SULF1: variants seen among roughly 807,000 people sequenced by gnomAD.
The protein encoded by SULF1 is sulfatase 1, also known as extracellular sulfatase Sulf-1.
Under a neutral mutation model 110.5 loss-of-function variants are expected in SULF1, and 46 were observed. The observed-to-expected ratio is 0.42, with a 90% confidence interval of 0.33 to 0.53. The LOEUF is 0.53. Among genes scored for constraint, SULF1 ranks in the 20% least tolerant of loss-of-function variants. SULF1 has a pLI of 0.12. For missense variants in SULF1, 941 were observed against 1,094.2 expected (o/e 0.86, Z 1.98); for synonymous variants, 371 against 387.1 (o/e 0.96, Z 0.49).
exon 1 of SULF1, chr8:69,466,787 G>A (rs1315862502): frequency 6.6e-6 from 1 of 152,380 alleles, no homozygotes; most frequent in Non-Finnish European, 1.5e-5. Context: ...TGGGGTTAGT[G>A]TGTGTCATCA....
chr8:69,573,808 C>A (rs1805411547), intron 5 of SULF1, among the ~76,000 whole-genome samples: 1 of 152,204 alleles, frequency 6.6e-6, no homozygotes, highest in African/African-American at 2.4e-5. Context: ...GTTTTAAAAT[C>A]TCCCATAAGG....
chr8:69,590,590 C>A (rs192747696), intron 8 of SULF1, among the ~76,000 whole-genome samples: 26 of 152,338 alleles, frequency 1.7e-4, no homozygotes, highest in African/African-American at 4.3e-4. Context: ...AGAGCTGACT[C>A]AGGACAAGAA....
At chr8:69,467,517 C>T (rs1238920457) in intron 1 of SULF1, among the ~76,000 whole-genome samples, 1 of 152,156 alleles carries the variant, frequency 6.6e-6, no homozygotes, top group African/African-American at 2.4e-5. Context: ...TGAACAGCCA[C>T]TAGGTCGGCT....
intron 22 of SULF1, among the ~76,000 whole-genome samples, chr8:69,643,265 G>A (rs1190194374): frequency 1.3e-5 from 2 of 152,210 alleles, no homozygotes; most frequent in African/African-American, 4.8e-5. Flanking sequence ...TGGATTGAAT[G>A]AGAACAGATG....
At position 69,627,263 on chromosome 8, in the gene SULF1, C is replaced by T. The variant is rs777779536; in HGVS notation, c.1904C>T (p.Ser635Leu). 5 of 1,613,962 alleles carry T rather than the reference C, an allele frequency of 3.1e-6. No homozygotes were observed. Among genetic ancestry groups the T allele is most frequent in the African/African-American group, 2.7e-5 (2 of 74,904 alleles). ...SIHCERELYQ[S>L]ARAWKDHKAY... ...CATTGTGAGAGAGAACTGTACCAAT[C>T]GGCCAGAGCGTGGAAGGACCATAAG... The change falls in exon 16 of 23, where the codon TCG becomes TTG. Residue 635 changes from serine to leucine, a missense_variant. Ser to Leu is a moderately radical substitution (Grantham distance 145, BLOSUM62 -2). This residue lies in a region of SULF1 where 822 missense variants were observed against 934.3 expected (regional missense o/e 0.88). Transcript: ENST00000402687.
chr8:69,556,796 G>T (rs1035087818), intron 3 of SULF1, among the ~76,000 whole-genome samples: 1 of 152,098 alleles, frequency 6.6e-6, no homozygotes. Context: ...TACATGTGCA[G>T]GATGTGTAGG....
At chr8:69,598,965 T>C (rs1337628121) in intron 8 of SULF1, among the ~76,000 whole-genome samples, 1 of 152,130 alleles carries the variant, frequency 6.6e-6, no homozygotes, top group Non-Finnish European at 1.5e-5. Flanking sequence ...AAACCAGCAT[T>C]TTCTACTATC....
At chr8:69,644,432 G>A (rs1212886544) in intron 22 of SULF1, among the ~76,000 whole-genome samples, 4 of 151,644 alleles carry the variant, frequency 2.6e-5, no homozygotes, top group South Asian at 2.1e-4. Flanking sequence ...ATTCCAAAGC[G>A]TGTTAGTATA....
chr8:69,489,085 G>A (rs373343048), upstream of SULF1, among the ~76,000 whole-genome samples: 1 of 152,118 alleles, frequency 6.6e-6, no homozygotes, highest in African/African-American at 2.4e-5. Flanking sequence ...TTAGGCCTTG[G>A]GGGGTCCTGA....
chr8:69,567,490 C>T (rs1815973096), intron 5 of SULF1, among the ~76,000 whole-genome samples: 1 of 152,080 alleles, frequency 6.6e-6, no homozygotes. Flanking sequence ...CAGCAACTCC[C>T]GTTTCTCTCT....
intron 13 of SULF1, among the ~76,000 whole-genome samples, chr8:69,608,394 C>A (rs773785347): frequency 6.6e-6 from 1 of 152,130 alleles, no homozygotes. Context: ...TTAAAATGGG[C>A]TGAGGCCGGG....
At chr8:69,518,559 T>C (rs1404952572) in intron 3 of SULF1, among the ~76,000 whole-genome samples, 2 of 152,218 alleles carry the variant, frequency 1.3e-5, no homozygotes, top group African/African-American at 4.8e-5. Context: ...GAGGATTAGT[T>C]GGGCCAGACC....
chr8:69,516,591 G>T (rs2150601534), intron 3 of SULF1, among the ~76,000 whole-genome samples: 1 of 152,254 alleles, frequency 6.6e-6, no homozygotes, highest in Non-Finnish European at 1.5e-5. Flanking sequence ...TTTAAGTTTT[G>T]TCAGGAAAAT....
At chr8:69,578,212 GA>G (rs1805764427) in intron 6 of SULF1, among the ~76,000 whole-genome samples, 1 of 152,304 alleles carries the variant, frequency 6.6e-6, no homozygotes, top group African/African-American at 2.4e-5. Flanking sequence ...TCCACCTTAA[GA>G]GGGATTGAGA....
At chr8:69,589,173 G>C (rs144460641) in intron 8 of SULF1, 32 bp downstream of exon 8, 2 of 1,596,954 alleles carry the variant, frequency 1.3e-6, no homozygotes, top group African/African-American at 2.7e-5. Flanking sequence ...GCGACCTGCC[G>C]AACATGCCTT....
At chr8:69,619,820 T>A (rs1253218488) in intron 13 of SULF1, among the ~76,000 whole-genome samples, 2 of 151,680 alleles carry the variant, frequency 1.3e-5, no homozygotes, top group Non-Finnish European at 2.9e-5. Context: ...CCAGGGCGAG[T>A]CTTTTGGGCT....
chr8:69,555,669 T>G (rs1240563749), intron 3 of SULF1, among the ~76,000 whole-genome samples: 1 of 150,032 alleles, frequency 6.7e-6, no homozygotes, highest in African/African-American at 2.5e-5. Flanking sequence ...AAAAAAAAAG[T>G]ATGCCAATGG....
chr8:69,571,703 T>G (rs894708528), intron 5 of SULF1, among the ~76,000 whole-genome samples: 2 of 152,228 alleles, frequency 1.3e-5, no homozygotes, highest in Non-Finnish European at 2.9e-5. Flanking sequence ...TCCACTGCTC[T>G]CAACAGCTGT....
chr8:69,616,633 C>T (rs904620070), intron 13 of SULF1, among the ~76,000 whole-genome samples: 2 of 150,270 alleles, frequency 1.3e-5, no homozygotes, highest in Non-Finnish European at 3.0e-5. Context: ...AACTCCTGTC[C>T]TCAGGCAATT....
Sources: gnomAD v4.1 joint callset for allele counts (sites outside exome capture counted in the v4.1 genomes callset) on GRCh38, gnomAD v4.1.1 for gene constraint, gnomAD v4.1.1 regional missense constraint, MANE v1.5 for transcripts, NCBI Gene and HGNC (gene_info 2026-07-23, HGNC 2026-07-21) for gene names.